Variants in OCIAD2 observed in about 807,000 individuals in gnomAD.
OCIAD2 encodes OCIA domain-containing protein 2.
Under a neutral mutation model 22.9 loss-of-function variants are expected in OCIAD2, and 29 were observed. The observed-to-expected ratio is 1.27, with a 90% CI of 0.94 to 1.73. OCIAD2 has a LOEUF of 1.73. Among genes scored for constraint, OCIAD2 ranks in the 40% most tolerant of loss-of-function variants. The pLI is 0.00. For missense variants in OCIAD2, 189 were observed against 180.3 expected, an observed-to-expected ratio of 1.05 and a Z score of -0.28; for synonymous variants, 67 against 60.2, an observed-to-expected ratio of 1.11 and a Z score of -0.52.
At chr4:48,900,234 C>G (rs750642855) in intron 2 of OCIAD2, among the ~76,000 whole-genome samples, 6 of 152,194 alleles carry the variant, frequency 3.9e-5, no homozygotes, top group Non-Finnish European at 5.9e-5. Context: ...TTCCCTACCT[C>G]CATGCCTCTA....
At chr4:48,901,289 C>T (rs1249397339) in intron 2 of OCIAD2, among the ~76,000 whole-genome samples, 1 of 151,934 alleles carries the variant, frequency 6.6e-6, no homozygotes, top group Non-Finnish European at 1.5e-5. Context: ...CCCCTATGGA[C>T]CCATGAGAGA....
chr4:48,906,441 C>T (rs2109689760), intron 1 of OCIAD2, among the ~76,000 whole-genome samples: 1 of 152,316 alleles, frequency 6.6e-6, no homozygotes, highest in Admixed American at 6.5e-5. Context: ...GGGAGTCAGC[C>T]TACTGGAGTC....
At chr4:48,887,840 T>C (rs1781038231) in intron 6 of OCIAD2, among the ~76,000 whole-genome samples, 1 of 152,190 alleles carries the variant, frequency 6.6e-6, no homozygotes, top group South Asian at 2.1e-4. Flanking sequence ...TGGTTCCATA[T>C]GAATTTTAAG....
At chr4:48,896,823 C>T (rs554902771) in intron 4 of OCIAD2, among the ~76,000 whole-genome samples, 2 of 152,066 alleles carry the variant, frequency 1.3e-5, no homozygotes, top group East Asian at 1.9e-4. Context: ...ATAAAATGGG[C>T]TTAAACAAGA....
intron 6 of OCIAD2, among the ~76,000 whole-genome samples, chr4:48,891,763 G>A (rs1488545654): frequency 1.3e-5 from 2 of 152,218 alleles, no homozygotes; most frequent in African/African-American, 4.8e-5. Flanking sequence ...ATGGACTGAA[G>A]TTGGTGTTGT....
chr4:48,892,765 T>A lies in OCIAD2; in HGVS notation c.383+7A>T. On this transcript the variant is annotated splice_region_variant and intron_variant, in intron 6 of 6. Coordinates refer to ENST00000508632, the MANE Select transcript of OCIAD2 (RefSeq NM_001014446.3). The stretch of plus-strand genomic sequence containing the variant: ...ATTACAATCCCTCAACCAAACAGAT[T>A]ACAAACCTGTTATGCTGTGGACCAA... 6.9e-7 allele frequency: 1 copy of A among 1,441,762 alleles called. No homozygotes were observed. The highest frequency in any genetic ancestry group is 1.4e-5 in the African/African-American group (1 of 70,940). The allele number at this position is 1,441,762 out of a possible 1,614,324, so 89.3% of individuals were successfully genotyped here.
At chr4:48,901,056 G>A (rs1057245851) in intron 2 of OCIAD2, among the ~76,000 whole-genome samples, 3 of 152,128 alleles carry the variant, frequency 2.0e-5, no homozygotes, top group African/African-American at 7.2e-5. Context: ...AGTGTTTAAT[G>A]TGGTTCTTTT....
intron 2 of OCIAD2, among the ~76,000 whole-genome samples, chr4:48,900,657 A>T (rs1303316758): frequency 1.4e-5 from 2 of 145,326 alleles, no homozygotes; most frequent in Non-Finnish European, 3.0e-5. Flanking sequence ...TTTTTTGATA[A>T]GGTCTCATTT....
At chr4:48,903,964 AAAATTTT>A (rs1246833645) in intron 2 of OCIAD2, among the ~76,000 whole-genome samples, 3 of 152,078 alleles carry the variant, frequency 2.0e-5, no homozygotes, top group South Asian at 2.1e-4. Flanking sequence ...TTTTGTAAAT[AAAATTTT>A]AAATTTTAAA....
chr4:48,900,051 C>T (rs1223986857), intron 2 of OCIAD2, 126 bp from the exon 3 acceptor site: 15 of 580,178 alleles, frequency 2.6e-5, no homozygotes. Context: ...CCAGAGGCAG[C>T]CCAAAGCAAT....
chr4:48,889,856 CA>C (rs1406270189), intron 6 of OCIAD2, among the ~76,000 whole-genome samples: 3 of 152,076 alleles, frequency 2.0e-5, no homozygotes, highest in South Asian at 2.1e-4. Flanking sequence ...GGAACCAACC[CA>C]AATGTCCAAC....
At chr4:48,890,644 C>T (rs754716314) in intron 6 of OCIAD2, among the ~76,000 whole-genome samples, 13 of 152,142 alleles carry the variant, frequency 8.5e-5, no homozygotes, top group Non-Finnish European at 1.8e-4. Flanking sequence ...ATAATATTCG[C>T]ATTTGAATAT....
intron 6 of OCIAD2, among the ~76,000 whole-genome samples, chr4:48,891,735 AAACAC>A (rs1268530285): frequency 6.6e-6 from 1 of 152,180 alleles, no homozygotes. Flanking sequence ...GCTGACTCTA[AAACAC>A]AACTTTGCAA....
chr4:48,897,165 G>A (rs958464904), intron 4 of OCIAD2: 1 of 153,250 alleles, frequency 6.5e-6, no homozygotes, highest in Non-Finnish European at 1.5e-5. Context: ...ATATACAGAG[G>A]CCTTGGGAGA....
intron 6 of OCIAD2, among the ~76,000 whole-genome samples, chr4:48,890,263 AG>A (rs2109668649): frequency 1.3e-5 from 2 of 152,122 alleles, no homozygotes; most frequent in African/African-American, 4.8e-5. Flanking sequence ...AAAAAAAAAA[AG>A]AAATAATAGG....
intron 6 of OCIAD2, among the ~76,000 whole-genome samples, chr4:48,888,199 T>G (rs969848168): frequency 6.6e-6 from 1 of 152,234 alleles, no homozygotes; most frequent in African/African-American, 2.4e-5. Context: ...ATTCTGAGAC[T>G]TTGCTGAAGT....
chr4:48,905,988 T>A (rs1781516004), intron 1 of OCIAD2, among the ~76,000 whole-genome samples: 1 of 152,190 alleles, frequency 6.6e-6, no homozygotes, highest in Non-Finnish European at 1.5e-5. Context: ...GGATGAGGGA[T>A]ACGTCCATAA....
chr4:48,898,948 A>G (rs1781360364), intron 3 of OCIAD2, among the ~76,000 whole-genome samples: 1 of 152,198 alleles, frequency 6.6e-6, no homozygotes, highest in South Asian at 2.1e-4. Context: ...CAAATTGGTC[A>G]TAGTGAAGTG....
chr4:48,905,214 C>A (rs1781499643), intron 1 of OCIAD2, among the ~76,000 whole-genome samples: 1 of 151,852 alleles, frequency 6.6e-6, no homozygotes, highest in Admixed American at 6.6e-5. Context: ...GATTTGGGTG[C>A]CTGTGGGGGC....
Sources: gnomAD v4.1 joint callset for allele counts (sites outside exome capture counted in the v4.1 genomes callset) on GRCh38, gnomAD v4.1.1 for gene constraint, MANE v1.5 for transcripts, NCBI Gene and HGNC (gene_info 2026-07-23, HGNC 2026-07-21) for gene names.